Variants in CD163L1 observed in about 807,000 individuals in gnomAD.
CD163L1 encodes the protein CD163 molecule like 1, also known as scavenger receptor cysteine-rich type 1 protein M160.
In CD163L1, 124 loss-of-function variants were observed where a neutral mutation model predicts 165.4. The ratio of observed to expected loss-of-function variants is 0.75; its 90% CI spans 0.65 to 0.87. CD163L1 has a LOEUF of 0.87. Ranked by LOEUF, CD163L1 falls within the 40% of genes least tolerant of loss-of-function variation. The probability of loss-of-function intolerance (pLI) is 0.00; values close to 1 mark genes in which losing one functional copy is unlikely to be tolerated. For missense variants in CD163L1, 1,525 were observed against 1,799.9 expected, an observed-to-expected ratio of 0.85 and a Z score of 2.76; for synonymous variants, 585 against 662.2, an observed-to-expected ratio of 0.88 and a Z score of 1.79.
chr12:7,393,416 C>T lies in CD163L1; in HGVS notation c.2050+2679G>A, dbSNP rs753308505. 2.6e-5 allele frequency among the ~76,000 whole-genome samples: 4 copies of T among 152,232 alleles called. No individual in the cohort carries two copies. The South Asian group carries it at 6.2e-4, about 24-fold the overall frequency. ...CTCAATAAACTAGGTATTGATGGAACGTATCTCAAAATAATAAGAGCTATT... is the reference window on the plus strand; with the variant it reads ...CTCAATAAACTAGGTATTGATGGAATGTATCTCAAAATAATAAGAGCTATT... On this transcript the variant is annotated intron_variant, in intron 8 of 19. Coordinates refer to ENST00000313599, the MANE Select transcript of CD163L1 (RefSeq NM_174941.6).
At chr12:7,320,750 C>G in the CD163L1 span, 1 of 1,613,734 alleles carries the variant, frequency 6.2e-7, no homozygotes, top group Non-Finnish European at 8.5e-7. Flanking sequence ...CCCATCACGA[C>G]CCTGTGCAGT....
At chr12:7,331,387 A>G in the CD163L1 span, among the ~76,000 whole-genome samples, 11 of 152,228 alleles carry the variant, frequency 7.2e-5, no homozygotes, top group Non-Finnish European at 1.5e-4. Context: ...AAAGGCAGCA[A>G]TAACCTCTGC....
chr12:7,330,835 C>T, the CD163L1 span, among the ~76,000 whole-genome samples: 4 of 152,160 alleles, frequency 2.6e-5, no homozygotes, highest in Admixed American at 6.5e-5. Flanking sequence ...AACTAAGACT[C>T]GAGTCTACAG....
At chr12:7,354,688 A>G (rs115517944), downstream of CD163L1, among the ~76,000 whole-genome samples, 29 of 152,282 alleles carry the variant, frequency 1.9e-4, no homozygotes, top group African/African-American at 6.5e-4. Context: ...ACCTGAGATC[A>G]GGGTGCCAGC....
intron 8 of CD163L1, among the ~76,000 whole-genome samples, chr12:7,388,765 G>T (rs780399508): frequency 8.5e-5 from 12 of 141,292 alleles, no homozygotes; most frequent in Admixed American, 1.4e-4. Flanking sequence ...AAAACAAAGT[G>T]GGGGGGGCAA....
intron 4 of CD163L1, among the ~76,000 whole-genome samples, chr12:7,420,495 TCAAA>T (rs1405998494): frequency 2.0e-5 from 3 of 151,344 alleles, no homozygotes; most frequent in African/African-American, 4.9e-5. Flanking sequence ...TACAAGGAAC[TCAAA>T]CAAATTAGCA....
At position 7,400,104 on chromosome 12, in the gene CD163L1, TA is replaced by T. The variant is rs1386696167; in HGVS notation, c.1409-1521del. Among the ~76,000 whole-genome samples, 1 of 152,182 alleles carries T rather than the reference TA, an allele frequency of 6.6e-6. No homozygotes were observed. The highest frequency in any genetic ancestry group is 2.4e-5 in the African/African-American group (1 of 41,450). ...CATAACATTTAATGATTGCATAGGA[TA>T]CCATCATATAGAGATATAGAGATTC... is the stretch of plus-strand genomic sequence containing the variant. On this transcript the variant is annotated intron_variant, in intron 6 of 19. Coordinates refer to ENST00000313599, the MANE Select transcript of CD163L1 (RefSeq NM_174941.6). The surrounding 1 kb of genome is among the most constrained non-coding windows in gnomAD (Gnocchi z 4.1).
chr12:7,370,294 A>G (rs984688621), intron 14 of CD163L1, among the ~76,000 whole-genome samples: 1 of 152,238 alleles, frequency 6.6e-6, no homozygotes, highest in Non-Finnish European at 1.5e-5. Context: ...ACTGCAGATA[A>G]TTATAACCGG....
At chr12:7,394,431 C>T (rs1288865698) in intron 8 of CD163L1, among the ~76,000 whole-genome samples, 1 of 152,134 alleles carries the variant, frequency 6.6e-6, no homozygotes, top group Non-Finnish European at 1.5e-5. Flanking sequence ...ACACCTTACA[C>T]AAAAATTAAT....
the CD163L1 span, chr12:7,323,264 G>A: frequency 6.2e-7 from 1 of 1,610,830 alleles, no homozygotes; most frequent in South Asian, 1.1e-5. Flanking sequence ...GAAAGGCCAA[G>A]AAATTAAACC....
chr12:7,425,251 C>A (rs930131838), intron 4 of CD163L1, among the ~76,000 whole-genome samples: 3 of 151,982 alleles, frequency 2.0e-5, no homozygotes, highest in African/African-American at 7.2e-5. Flanking sequence ...CCCTGTTTAA[C>A]AAATGATGCT....
the CD163L1 span, chr12:7,328,257 T>G: frequency 2.0e-6 from 3 of 1,508,112 alleles, no homozygotes; most frequent in Non-Finnish European, 2.7e-6. Flanking sequence ...TGGAATCAAG[T>G]GTCTCATCAC....
rs1395507817 is a variant in CD163L1 at position 7,357,373 on chromosome 12, A to T, written c.*24+7T>A. On this transcript the variant is annotated splice_region_variant and intron_variant, in intron 19 of 19. Coordinates refer to ENST00000313599, the MANE Select transcript of CD163L1 (RefSeq NM_174941.6). The stretch of plus-strand genomic sequence containing the variant: ...AGTTTTAGTAGGAACAATACTTCTC[A>T]ACTTACCTGGTGAGCCCTGGAAGTC... 1 of 1,587,732 alleles carries T rather than the reference A, an allele frequency of 6.3e-7. No homozygotes were observed. The highest frequency in any genetic ancestry group is 1.1e-5 in the South Asian group (1 of 90,502).
At chr12:7,350,140 T>G (rs1202966918), downstream of CD163L1, among the ~76,000 whole-genome samples, 1 of 152,200 alleles carries the variant, frequency 6.6e-6, no homozygotes, top group Non-Finnish European at 1.5e-5. Flanking sequence ...TGTATGGTCC[T>G]AAATTTAGCT....
At chr12:7,336,709 C>A in the CD163L1 span, among the ~76,000 whole-genome samples, 7 of 151,950 alleles carry the variant, frequency 4.6e-5, no homozygotes, top group African/African-American at 1.7e-4. Context: ...AAAAACATTC[C>A]ATGCTCATGC....
intron 2 of CD163L1, chr12:7,439,703 G>A (rs1204967080): frequency 2.0e-5 from 33 of 1,611,580 alleles, no homozygotes; most frequent in Non-Finnish European, 2.7e-5. Flanking sequence ...CAGTCCTCCA[G>A]GTGAGTCTCG....
chr12:7,323,169 T>C, the CD163L1 span: 7 of 1,415,430 alleles, frequency 4.9e-6, no homozygotes, highest in Admixed American at 1.3e-4. Context: ...TTAATTTTCA[T>C]TGCCATGATA....
the CD163L1 span, among the ~76,000 whole-genome samples, chr12:7,338,084 A>G: frequency 6.6e-6 from 1 of 152,302 alleles, no homozygotes; most frequent in African/African-American, 2.4e-5. Context: ...TGAACACCGC[A>G]TGTTCTCACT....
chr12:7,349,860 C>T (rs977441138), intron 4 of CD163L1, among the ~76,000 whole-genome samples: 8 of 152,116 alleles, frequency 5.3e-5, no homozygotes. Flanking sequence ...TCTCATTGAT[C>T]TCATTGAGGA....
Sources: allele counts gnomAD v4.1 joint callset (sites outside exome capture counted in the v4.1 genomes callset), GRCh38; gene constraint gnomAD v4.1.1; non-coding constraint Gnocchi (gnomAD v3.1); transcripts MANE v1.5; gene names NCBI Gene and HGNC (gene_info 2026-07-23, HGNC 2026-07-21).